Variants in HIVEP3 observed in about 807,000 individuals in gnomAD.
The protein encoded by HIVEP3 is transcription factor HIVEP3.
Under a neutral mutation model 152.8 loss-of-function variants are expected in HIVEP3, and 49 were observed. That is an observed-to-expected ratio of 0.32 (90% CI 0.26 to 0.41). The LOEUF (loss-of-function observed/expected upper bound fraction) is 0.41, where lower values mean the gene tolerates loss of function less well. Ranked by LOEUF, HIVEP3 falls within the 10% of genes least tolerant of loss-of-function variation. The pLI is 1.00. For missense variants in HIVEP3, 2,790 were observed against 3,103.3 expected, an observed-to-expected ratio of 0.90 and a Z score of 2.40; for synonymous variants, 1,269 against 1,289.0, an observed-to-expected ratio of 0.98 and a Z score of 0.33.
intron 1 of HIVEP3, among the ~76,000 whole-genome samples, chr1:41,813,815 T>A (rs190992716): frequency 6.6e-5 from 10 of 152,220 alleles, no homozygotes; most frequent in Admixed American, 1.3e-4. Flanking sequence ...AAGAGACACA[T>A]GTAGAAGGGA....
chr1:41,815,762 T>G (rs1447950372), intron 1 of HIVEP3, among the ~76,000 whole-genome samples: 2 of 152,000 alleles, frequency 1.3e-5, no homozygotes, highest in East Asian at 3.9e-4. Context: ...TGTTTTTTTT[T>G]TTTTTATTGT....
At chr1:41,683,919 G>A (rs975025827) in intron 2 of HIVEP3, among the ~76,000 whole-genome samples, 1 of 152,198 alleles carries the variant, frequency 6.6e-6, no homozygotes, top group African/African-American at 2.4e-5. Context: ...ATAACCCATG[G>A]AGGAACTCAG....
At chr1:41,846,952 T>C (rs1368242832) in intron 1 of HIVEP3, among the ~76,000 whole-genome samples, 1 of 152,190 alleles carries the variant, frequency 6.6e-6, no homozygotes, top group Non-Finnish European at 1.5e-5. Flanking sequence ...ACCTCAGTCA[T>C]CATTCATGGG....
intron 1 of HIVEP3, among the ~76,000 whole-genome samples, chr1:41,993,842 C>T (rs35420395): frequency 0.41 from 62,808 of 151,462 alleles, 15,185 homozygotes; most frequent in East Asian, 0.71. Flanking sequence ...GAGTTCATTT[C>T]CTTTGTAGGG....
At chr1:41,542,818 C>T (rs933870431) in intron 5 of HIVEP3, 15 of 164,678 alleles carry the variant, frequency 9.1e-5, no homozygotes, top group South Asian at 1.8e-4. Context: ...CCGTATGACA[C>T]GGAGCTTGAA....
intron 2 of HIVEP3, among the ~76,000 whole-genome samples, chr1:41,634,002 G>A (rs1645234405): frequency 6.6e-6 from 1 of 152,050 alleles, no homozygotes; most frequent in African/African-American, 2.4e-5. Flanking sequence ...TTACAACAGG[G>A]CAGACCTCCG....
intron 3 of HIVEP3, among the ~76,000 whole-genome samples, chr1:41,597,933 T>C (rs1197065704): frequency 6.6e-6 from 1 of 152,230 alleles, no homozygotes; most frequent in East Asian, 1.9e-4. Context: ...TACTAAGTTA[T>C]CTAATGTAAT....
chr1:41,893,000 G>A (rs1002137366), intron 1 of HIVEP3, among the ~76,000 whole-genome samples: 13 of 151,728 alleles, frequency 8.6e-5, no homozygotes, highest in Non-Finnish European at 1.5e-5. Flanking sequence ...GCACACATCT[G>A]TAGTCCCAGC....
intron 1 of HIVEP3, among the ~76,000 whole-genome samples, chr1:41,706,882 A>G (rs1251277108): frequency 2.0e-5 from 3 of 152,236 alleles, no homozygotes; most frequent in African/African-American, 7.2e-5. Flanking sequence ...TGTCAAAGAA[A>G]GAATGTTAAG....
chr1:41,676,094 C>A (rs1297306942), intron 2 of HIVEP3, among the ~76,000 whole-genome samples: 1 of 151,934 alleles, frequency 6.6e-6, no homozygotes, highest in Non-Finnish European at 1.5e-5. Context: ...CTCTGTCCCT[C>A]AGGTTGGAGT....
chr1:41,639,909 G>A (rs1645346827), intron 2 of HIVEP3, among the ~76,000 whole-genome samples: 1 of 152,172 alleles, frequency 6.6e-6, no homozygotes, highest in South Asian at 2.1e-4. Flanking sequence ...CATTGATAGC[G>A]ACAAGACCTG....
chr1:41,628,387 C>A (rs1025470831), intron 3 of HIVEP3, among the ~76,000 whole-genome samples: 2 of 152,206 alleles, frequency 1.3e-5, no homozygotes, highest in Non-Finnish European at 2.9e-5. Flanking sequence ...CTATCAGGAG[C>A]ACACAGTTGG....
intron 1 of HIVEP3, among the ~76,000 whole-genome samples, chr1:41,970,696 G>A (rs1382313607): frequency 6.6e-6 from 1 of 152,142 alleles, no homozygotes. Flanking sequence ...AATTTAAAAT[G>A]AAATAAAATT....
chr1:41,539,633 C>A (rs1427979326), intron 5 of HIVEP3, among the ~76,000 whole-genome samples: 1 of 152,200 alleles, frequency 6.6e-6, no homozygotes, highest in Non-Finnish European at 1.5e-5. Context: ...GTGCTCCACA[C>A]CACACAAATG....
chr1:41,907,130 ATATT>A (rs1444231867), intron 1 of HIVEP3, among the ~76,000 whole-genome samples: 1 of 152,100 alleles, frequency 6.6e-6, no homozygotes, highest in Admixed American at 6.5e-5. Context: ...AAGCATGCAT[ATATT>A]AGATTTAAAA....
intron 2 of HIVEP3, among the ~76,000 whole-genome samples, chr1:41,681,245 C>T (rs979840533): frequency 5.3e-5 from 8 of 152,280 alleles, no homozygotes; most frequent in Non-Finnish European, 8.8e-5. Flanking sequence ...AGGTGTGCAT[C>T]GCCATGCCCA....
intron 2 of HIVEP3, among the ~76,000 whole-genome samples, chr1:41,696,661 C>T (rs1398463037): frequency 1.3e-5 from 2 of 152,160 alleles, no homozygotes; most frequent in African/African-American, 4.8e-5. Flanking sequence ...TTGTTCCTCC[C>T]AAGCACAGAG....
chr1:41,938,794 A>G (rs1288206576), intron 1 of HIVEP3, among the ~76,000 whole-genome samples: 1 of 152,168 alleles, frequency 6.6e-6, no homozygotes, highest in Non-Finnish European at 1.5e-5. Context: ...ATACAAAACT[A>G]TGGGGGAATC....
At position 41,605,404 on chromosome 1, in the gene HIVEP3, CACAT is replaced by C. The variant is rs993172893; in HGVS notation, c.-521-20090_-521-20087del. On this transcript the variant is annotated intron_variant, in intron 3 of 8. Transcript: ENST00000372583. Reference sequence around the variant, plus strand: ...ACACACACACACACACACACACACACACATACATATGTTAAAAAGAAAACTATTC... The same window carrying C: ...ACACACACACACACACACACACACACACATATGTTAAAAAGAAAACTATTC... Among the ~76,000 whole-genome samples, 528 of 148,072 alleles carry C rather than the reference CACAT, an allele frequency of 3.6e-3. 8 individuals are homozygous for C. Among genetic ancestry groups the C allele is most frequent in the African/African-American group, 0.013 (487 of 38,112 alleles).
Sources: gnomAD v4.1 joint callset for allele counts (sites outside exome capture counted in the v4.1 genomes callset) on GRCh38, gnomAD v4.1.1 for gene constraint, MANE v1.5 for transcripts, NCBI Gene and HGNC (gene_info 2026-07-23, HGNC 2026-07-21) for gene names.